UBXN8: variants seen among roughly 807,000 people sequenced by gnomAD.
UBXN8 encodes UBX domain protein 8.
In UBXN8, 27 loss-of-function variants were observed where a neutral mutation model predicts 32.1. That is an observed-to-expected ratio of 0.84 (90% CI 0.62 to 1.16). The LOEUF (loss-of-function observed/expected upper bound fraction) is 1.16. Ranked by LOEUF, UBXN8 falls within the 50% of genes most tolerant of loss-of-function variation. The pLI, the probability that UBXN8 is intolerant of heterozygous loss-of-function variation, is 0.00. For missense variants in UBXN8, 306 were observed against 311.4 expected (o/e 0.98, Z 0.13); for synonymous variants, 109 against 111.8 (o/e 0.98, Z 0.16).
At chr8:30,754,634 G>A in intron 3 of UBXN8, 31 bp from the exon 4 acceptor site, 1 of 1,529,742 alleles carries the variant, frequency 6.5e-7, no homozygotes, top group Non-Finnish European at 8.7e-7. Flanking sequence ...TTAATGGATA[G>A]TAACAACACC....
rs369553467 is a variant in UBXN8, at chr8:30,751,526, T to G, written c.211+8T>G. 6.3e-7 allele frequency: 1 copy of G among 1,592,408 alleles called. No homozygotes were observed. On this transcript the variant is annotated splice_region_variant and intron_variant, in intron 2 of 7. Coordinates refer to ENST00000265616, the MANE Select transcript of UBXN8 (RefSeq NM_005671.4). ...CCCAAGTTTATCTGAAGGGTAAGTT[T>G]ATTATTTATTCTACCCTTTTATACC...
In UBXN8 at chr8:30,766,325, G is replaced by T. The variant is rs765001492; in HGVS notation, c.744G>T (p.Gln248His). The T allele has an allele frequency of 3.7e-6, 6 of 1,613,800 alleles. No homozygotes were observed. The South Asian group carries it at 6.6e-5, about 18-fold the overall frequency. ...GGCCTCTGGCAGTGGAGGGAGGCCAGTCGCTGGAGGACATAGGAATAACTG... is the reference window on the plus strand; with the variant it reads ...GGCCTCTGGCAGTGGAGGGAGGCCATTCGCTGGAGGACATAGGAATAACTG... Reference protein sequence around the residue: ...PRRPLAVEGGQSLEDIGITVD... With the variant: ...PRRPLAVEGGHSLEDIGITVD... The change falls in exon 8 of 8, where the codon CAG becomes CAT. Residue 248 changes from glutamine to histidine, a missense_variant. Gln to His is a conservative substitution (Grantham distance 24). Coordinates refer to ENST00000265616, the MANE Select transcript of UBXN8 (RefSeq NM_005671.4).
Position 30,766,499 on chromosome 8 carries a change from T to G in UBXN8, c.*105T>G. 1.6e-6 allele frequency: 2 copies of G among 1,225,084 alleles called. No individual in the cohort carries two copies. Among genetic ancestry groups the G allele is most frequent in the Non-Finnish European group, 2.2e-6 (2 of 919,742 alleles). 75.9% of individuals were successfully genotyped at this position (1,225,084 alleles called of 1,614,324 possible). On this transcript the variant is annotated 3_prime_UTR_variant, in exon 8 of 8. Coordinates refer to ENST00000265616, the MANE Select transcript of UBXN8 (RefSeq NM_005671.4). ...TCACACTATACCTTGATTGAGCTCA[T>G]GGCAGTAAACTTTGAACATTGATAT... is the stretch of plus-strand genomic sequence containing the variant.
Position 30,751,477 on chromosome 8 carries a change from C to T in UBXN8, c.170C>T (p.Ser57Leu). ...LLTLTISVTT[S>L]WLNSFKSPQV... ...ACTTTAACTATTTCTGTGACTACCT[C>T]ATGGCTTAACTCATTTAAATCTCCC... is the stretch of plus-strand genomic sequence containing the variant. Residue 57 changes from serine to leucine, a missense_variant, in exon 2 of 8, where the codon TCA (serine) becomes TTA (leucine). Coordinates refer to ENST00000265616, the MANE Select transcript of UBXN8 (RefSeq NM_005671.4). The T allele has an allele frequency of 6.2e-7, 1 of 1,611,066 alleles. No homozygotes were observed.
intron 5 of UBXN8, among the ~76,000 whole-genome samples, chr8:30,758,188 G>A (rs112974944): frequency 0.021 from 3,136 of 152,226 alleles, 115 homozygotes; most frequent in African/African-American, 0.071. Context: ...GAGCCACTGC[G>A]CCCAGCCGAA....
intron 4 of UBXN8, among the ~76,000 whole-genome samples, chr8:30,755,760 G>GAAAAA (rs34287599): frequency 1.6e-4 from 14 of 88,814 alleles, no homozygotes; most frequent in South Asian, 4.6e-4. Flanking sequence ...CCTTTCTCCA[G>GAAAAA]AAAAAAAAAA....
chr8:30,740,273 G>T (rs1366170018), upstream of UBXN8, among the ~76,000 whole-genome samples: 1 of 150,632 alleles, frequency 6.6e-6, no homozygotes, highest in Non-Finnish European at 1.5e-5. Context: ...CTCATGATGT[G>T]TCCATTTCAT....
intron 4 of UBXN8, 124 bp from the exon 5 acceptor site, chr8:30,756,641 G>A: frequency 7.1e-7 from 1 of 1,406,038 alleles, no homozygotes; most frequent in Non-Finnish European, 9.5e-7. Context: ...TCTCATAATG[G>A]CTTGCTAATA....
At chr8:30,756,257 C>T (rs1805656217) in intron 4 of UBXN8, 1 of 154,012 alleles carries the variant, frequency 6.5e-6, no homozygotes, top group Admixed American at 6.4e-5. Flanking sequence ...TTTCCTGCCT[C>T]AGTCTCCCAC....
At chr8:30,755,197 C>T (rs183154403) in intron 4 of UBXN8, among the ~76,000 whole-genome samples, 3 of 151,976 alleles carry the variant, frequency 2.0e-5, no homozygotes, top group African/African-American at 7.2e-5. Flanking sequence ...CCTCATGATC[C>T]GCCCGCCTCA....
At chr8:30,749,908 CGAT>C (rs1176387626) in intron 1 of UBXN8, among the ~76,000 whole-genome samples, 5 of 151,820 alleles carry the variant, frequency 3.3e-5, no homozygotes, top group Non-Finnish European at 7.4e-5. Flanking sequence ...CTGACCAACA[CGAT>C]GATATTTTCA....
At chr8:30,763,762 G>A (rs1236057605) in intron 7 of UBXN8, among the ~76,000 whole-genome samples, 3 of 152,050 alleles carry the variant, frequency 2.0e-5, no homozygotes, top group Non-Finnish European at 4.4e-5. Flanking sequence ...AGGCCAAGGC[G>A]GGCAGATCAC....
chr8:30,756,070 G>A (rs1392377458), intron 4 of UBXN8: 1 of 150,736 alleles, frequency 6.6e-6, no homozygotes, highest in Non-Finnish European at 1.5e-5. Context: ...TGTCGCCCAA[G>A]TTGGAGTGCA....
chr8:30,763,075 G>A, intron 6 of UBXN8, 198 bp from the exon 7 acceptor site: 2 of 548,462 alleles, frequency 3.6e-6, no homozygotes, highest in Admixed American at 3.3e-5. Context: ...CAAACTCCTG[G>A]CCTCAAGTGG....
upstream of UBXN8, among the ~76,000 whole-genome samples, chr8:30,739,195 A>G (rs547017089): frequency 4.3e-4 from 65 of 150,808 alleles, no homozygotes; most frequent in African/African-American, 1.5e-3. Context: ...GAACTACTCT[A>G]TATCTTGACT....
chr8:30,753,146 C>T (rs1487641844), intron 3 of UBXN8, 41 bp downstream of exon 3: 2 of 1,442,162 alleles, frequency 1.4e-6, no homozygotes, highest in Admixed American at 3.2e-5. Flanking sequence ...TAGAGAAATA[C>T]AAAAATCTCT....
rs1806017606 is a variant in UBXN8, at chr8:30,766,687, G to A, written c.*293G>A. 5.8e-6 allele frequency: 1 copy of A among 173,256 alleles called. No individual in the cohort carries two copies. Among genetic ancestry groups the A allele is most frequent in the Admixed American group, 6.0e-5 (1 of 16,800 alleles). 10.7% of individuals were successfully genotyped at this position (173,256 alleles called of 1,614,324 possible). The stretch of plus-strand genomic sequence containing the variant: ...CAGCTGACATGATTTCTCAGTGTTA[G>A]AAAACAAACCCTTAGAACTTTCCTT... On this transcript the variant is annotated 3_prime_UTR_variant, in exon 8 of 8. Transcript: ENST00000265616.
chr8:30,763,459 G>A, intron 7 of UBXN8, 112 bp downstream of exon 7: 3 of 1,039,268 alleles, frequency 2.9e-6, no homozygotes, highest in Non-Finnish European at 4.4e-6. Context: ...CTCCCATCAG[G>A]TATGGATAAA....
rs1805598556 is a variant in UBXN8, at chr8:30,754,661, A to G, written c.283-4A>G. The stretch of plus-strand genomic sequence containing the variant: ...AACAACACCTAATTTGTTGTTTTCA[A>G]CAGGCCAGCAGATACATAGAGAATG... On this transcript the variant is annotated splice_polypyrimidine_tract_variant and splice_region_variant and intron_variant, in intron 3 of 7. Coordinates refer to ENST00000265616, the MANE Select transcript of UBXN8 (RefSeq NM_005671.4). 2 of 1,540,572 alleles carry G rather than the reference A, an allele frequency of 1.3e-6. No individual in the cohort carries two copies. The highest frequency in any genetic ancestry group is 1.7e-6 in the Non-Finnish European group (2 of 1,155,708).
Sources: allele counts gnomAD v4.1 joint callset (sites outside exome capture counted in the v4.1 genomes callset), GRCh38; gene constraint gnomAD v4.1.1; transcripts MANE v1.5; gene names NCBI Gene and HGNC (gene_info 2026-07-23, HGNC 2026-07-21).